Variants in ITFG1 observed in about 807,000 individuals in gnomAD.
The protein encoded by ITFG1 is T-cell immunomodulatory protein.
In ITFG1, 34 loss-of-function variants were observed where a neutral mutation model predicts 81.8. That is an observed-to-expected ratio of 0.42 (90% confidence interval 0.32 to 0.55). ITFG1 has a LOEUF of 0.55. Ranked by LOEUF, ITFG1 falls within the 20% of genes least tolerant of loss-of-function variation. The pLI, the probability that ITFG1 is intolerant of heterozygous loss-of-function variation, is 0.17. For synonymous variants in ITFG1, 285 were observed against 270.6 expected, an observed-to-expected ratio of 1.05 and a Z score of -0.52; for missense variants, 672 against 755.4, an observed-to-expected ratio of 0.89 and a Z score of 1.29.
chr16:47,353,164 C>A (rs1967989972), intron 8 of ITFG1, among the ~76,000 whole-genome samples: 1 of 151,768 alleles, frequency 6.6e-6, no homozygotes, highest in Non-Finnish European at 1.5e-5. Flanking sequence ...ACATATGTAA[C>A]AAACCTGCAC....
chr16:47,244,591 T>TTGTGTGTGTGTGTG (rs57470225), intron 12 of ITFG1, among the ~76,000 whole-genome samples: 3 of 118,226 alleles, frequency 2.5e-5, no homozygotes, highest in Admixed American at 8.9e-5. Context: ...ATTCCATCTT[T>TTGTGTGTGTGTGTG]TGTGTGTGTG....
At chr16:47,166,964 T>A (rs571438725) in intron 14 of ITFG1, among the ~76,000 whole-genome samples, 2 of 152,260 alleles carry the variant, frequency 1.3e-5, no homozygotes, top group Non-Finnish European at 2.9e-5. Flanking sequence ...CTAATTGAGC[T>A]GAAATTCACA....
At chr16:47,317,275 T>C (rs538868146) in intron 8 of ITFG1, among the ~76,000 whole-genome samples, 21 of 152,324 alleles carry the variant, frequency 1.4e-4, no homozygotes, top group African/African-American at 4.6e-4. Context: ...AGAAAATTTT[T>C]AATTTTAAAA....
chr16:47,200,796 G>A (rs1271671523), intron 14 of ITFG1, among the ~76,000 whole-genome samples: 2 of 152,138 alleles, frequency 1.3e-5, no homozygotes, highest in Admixed American at 1.3e-4. Context: ...AACTTTGGTG[G>A]TGGGGCCTGG....
intron 6 of ITFG1, among the ~76,000 whole-genome samples, chr16:47,390,369 G>GA (rs760461519): frequency 4.4e-4 from 67 of 152,182 alleles, no homozygotes; most frequent in Non-Finnish European, 6.0e-4. Context: ...AAATCAAGGG[G>GA]AAAAAACAGA....
Position 47,365,798 on chromosome 16 carries a change from A to G in ITFG1, c.792T>C (p.Phe264=), listed in dbSNP as rs764546999. The G allele has an allele frequency of 4.4e-6, 7 of 1,592,010 alleles. No homozygotes were observed. The South Asian group carries it at 7.8e-5, about 18-fold the overall frequency. ...QNMMVVGQSA[F]ADFDGDGHMD... is the part of the protein sequence containing the mutation. ...TTTACCAAATCTTACCAAAGTCTGCAAATGCTGACTGTCCAACCACCATCA... is the reference window on the plus strand; with the variant it reads ...TTTACCAAATCTTACCAAAGTCTGCGAATGCTGACTGTCCAACCACCATCA... The change falls in exon 8 of 18, where the codon TTT becomes TTC. Residue 264 remains phenylalanine, a synonymous_variant. Coordinates refer to ENST00000320640, the MANE Select transcript of ITFG1 (RefSeq NM_030790.5).
At chr16:47,372,660 C>A (rs1455353411) in intron 7 of ITFG1, among the ~76,000 whole-genome samples, 1 of 151,830 alleles carries the variant, frequency 6.6e-6, no homozygotes, top group Non-Finnish European at 1.5e-5. Context: ...CACCAGCTGG[C>A]CAGCCTGGTC....
intron 10 of ITFG1, among the ~76,000 whole-genome samples, chr16:47,276,966 C>G (rs959662910): frequency 1.3e-5 from 2 of 152,076 alleles, no homozygotes; most frequent in African/African-American, 4.8e-5. Context: ...ATCATTATTA[C>G]CTAAATAAGA....
chr16:47,192,798 C>T (rs1022388776), intron 14 of ITFG1, among the ~76,000 whole-genome samples: 4 of 152,214 alleles, frequency 2.6e-5, no homozygotes, highest in African/African-American at 9.7e-5. Context: ...CTTCCCTCTA[C>T]ACACACAGAA....
intron 2 of ITFG1, among the ~76,000 whole-genome samples, chr16:47,458,198 T>C (rs1969477509): frequency 6.6e-6 from 1 of 152,238 alleles, no homozygotes; most frequent in South Asian, 2.1e-4. Flanking sequence ...CAAACTCTTT[T>C]TTGTATCTGA....
At chr16:47,268,379 A>T (rs1264302873) in intron 10 of ITFG1, among the ~76,000 whole-genome samples, 1 of 152,230 alleles carries the variant, frequency 6.6e-6, no homozygotes, top group African/African-American at 2.4e-5. Context: ...CAGTCTCCAA[A>T]AAAGAAAACT....
At chr16:47,368,555 C>CA (rs35965452) in intron 7 of ITFG1, among the ~76,000 whole-genome samples, 713 of 33,590 alleles carry the variant, frequency 0.021, 167 homozygotes, top group African/African-American at 0.024. Context: ...GACTCCATCT[C>CA]AAAAAAAAAA....
At chr16:47,172,443 G>A (rs1356939799) in intron 14 of ITFG1, among the ~76,000 whole-genome samples, 2 of 152,124 alleles carry the variant, frequency 1.3e-5, no homozygotes, top group Non-Finnish European at 2.9e-5. Context: ...AGCCATGATC[G>A]TGCCACTGCA....
chr16:47,456,468 T>C (rs995670219), intron 2 of ITFG1, among the ~76,000 whole-genome samples: 8 of 152,066 alleles, frequency 5.3e-5, no homozygotes, highest in East Asian at 1.9e-4. Context: ...GGCAGGTGGA[T>C]TGCCTGAGCT....
intron 8 of ITFG1, among the ~76,000 whole-genome samples, chr16:47,353,343 A>C (rs1042367360): frequency 1.3e-5 from 2 of 152,224 alleles, no homozygotes; most frequent in South Asian, 4.1e-4. Context: ...GACAGAATTC[A>C]GTATCCCTTT....
At position 47,438,110 on chromosome 16, in the gene ITFG1, G is replaced by A. The variant is rs28709022; in HGVS notation, c.561-9212C>T. Reference sequence around the variant, plus strand: ...CTAGCACAGCAGTCTGAGATCAAACGGTAAGGCCACAGCGAGGCTGGGGTA... The same window carrying A: ...CTAGCACAGCAGTCTGAGATCAAACAGTAAGGCCACAGCGAGGCTGGGGTA... On this transcript the variant is annotated intron_variant, in intron 5 of 17. Transcript: ENST00000320640. 4.2e-3 allele frequency among the ~76,000 whole-genome samples: 645 copies of A among 152,296 alleles called. 6 individuals are homozygous for A. Among genetic ancestry groups the A allele is most frequent in the African/African-American group, 0.015 (615 of 41,546 alleles).
chr16:47,311,233 T>G lies in ITFG1; in HGVS notation c.1070+7A>C. 1 of 1,588,458 alleles carries G rather than the reference T, an allele frequency of 6.3e-7. No individual in the cohort carries two copies. Among genetic ancestry groups the G allele is most frequent in the Non-Finnish European group, 8.6e-7 (1 of 1,167,182 alleles). On this transcript the variant is annotated splice_region_variant and intron_variant, in intron 10 of 17. Coordinates refer to ENST00000320640, the MANE Select transcript of ITFG1 (RefSeq NM_030790.5). ...CAAATATTTCTCACTTGATTTAATT[T>G]CCTTACCTTCCAGATGTGTTCTTTA...
intron 5 of ITFG1, among the ~76,000 whole-genome samples, chr16:47,447,895 T>A (rs1254210857): frequency 6.6e-6 from 1 of 152,190 alleles, no homozygotes; most frequent in Non-Finnish European, 1.5e-5. Context: ...GATGTAACGT[T>A]TCCATGGAAA....
chr16:47,337,738 G>A (rs938925571), intron 8 of ITFG1, among the ~76,000 whole-genome samples: 1 of 152,252 alleles, frequency 6.6e-6, no homozygotes, highest in Non-Finnish European at 1.5e-5. Flanking sequence ...GTGAGATGCA[G>A]TGGGGGAGGG....
Sources: allele counts gnomAD v4.1 joint callset (sites outside exome capture counted in the v4.1 genomes callset), GRCh38; gene constraint gnomAD v4.1.1; transcripts MANE v1.5; gene names NCBI Gene and HGNC (gene_info 2026-07-23, HGNC 2026-07-21).